The following SNX13 variants were observed in gnomAD, a reference collection of about 807,000 sequenced individuals.
SNX13 encodes the protein sorting nexin 13.
SNX13 carries 45 observed loss-of-function variants against 133.6 expected under a neutral mutation model. The observed-to-expected ratio is 0.34, with a 90% confidence interval of 0.27 to 0.43. The LOEUF is 0.43. Among genes scored for constraint, SNX13 ranks in the 20% least tolerant of loss-of-function variants. The probability of loss-of-function intolerance (pLI) is 1.00; values close to 1 mark genes in which losing one functional copy is unlikely to be tolerated. For synonymous variants in SNX13, 414 were observed against 373.9 expected, an observed-to-expected ratio of 1.11 and a Z score of -1.24; for missense variants, 1,032 against 1,145.1, an observed-to-expected ratio of 0.90 and a Z score of 1.43.
intron 1 of SNX13, among the ~76,000 whole-genome samples, chr7:17,914,729 T>A (rs564760454): frequency 8.3e-4 from 127 of 152,280 alleles, no homozygotes; most frequent in Admixed American, 2.9e-3. Flanking sequence ...AAGGGGGTTC[T>A]AAACATGAAA....
At chr7:17,868,529 T>A (rs750092474) in intron 8 of SNX13, 39 bp from the exon 9 acceptor site, 16 of 1,461,310 alleles carry the variant, frequency 1.1e-5, no homozygotes, top group Non-Finnish European at 1.5e-5. Flanking sequence ...ATTTAATCTA[T>A]TTCTGAAATC....
At position 17,905,544 on chromosome 7, in the gene SNX13, T is replaced by G. The variant is rs551790647; in HGVS notation, c.13-8098A>C. ...AGTTTTGCAGGTGAACAATAAAAAT[T>G]AATCTCCTTTATTTACAATTACCCA... On this transcript the variant is annotated intron_variant, in intron 1 of 25. Coordinates refer to ENST00000428135, the MANE Select transcript of SNX13 (RefSeq NM_015132.5). 3.9e-5 allele frequency among the ~76,000 whole-genome samples: 6 copies of G among 152,334 alleles called. No homozygotes were observed. In the East Asian group the frequency reaches 1.2e-3, roughly 29 times the overall value.
chr7:17,830,915 T>C (rs1170948758), intron 15 of SNX13: 3 of 984,292 alleles, frequency 3.0e-6, no homozygotes, highest in East Asian at 1.1e-4. Context: ...GCAGCTGATA[T>C]TGCCTTCCAA....
chr7:17,928,015 T>C (rs1043119632), intron 1 of SNX13, among the ~76,000 whole-genome samples: 1 of 152,170 alleles, frequency 6.6e-6, no homozygotes, highest in Non-Finnish European at 1.5e-5. Context: ...TACAATACAA[T>C]AAAAGTCCTA....
At chr7:17,927,470 T>C (rs531228364) in intron 1 of SNX13, among the ~76,000 whole-genome samples, 3 of 152,188 alleles carry the variant, frequency 2.0e-5, no homozygotes, top group East Asian at 1.9e-4. Flanking sequence ...CTAGAACTCA[T>C]GGGCTCAAGC....
chr7:17,908,935 A>T (rs1798659619), intron 1 of SNX13, among the ~76,000 whole-genome samples: 1 of 152,192 alleles, frequency 6.6e-6, no homozygotes, highest in Admixed American at 6.5e-5. Context: ...GTCTCCAAGA[A>T]TTATAAGGAT....
At chr7:17,863,444 T>C (rs990046252) in intron 9 of SNX13, among the ~76,000 whole-genome samples, 2 of 152,130 alleles carry the variant, frequency 1.3e-5, no homozygotes, top group African/African-American at 4.8e-5. Context: ...AAGGGAGGAA[T>C]ACAGAGGGCT....
At chr7:17,916,096 AT>A (rs1252959452) in intron 1 of SNX13, among the ~76,000 whole-genome samples, 13 of 152,206 alleles carry the variant, frequency 8.5e-5, no homozygotes, top group South Asian at 2.1e-4. Flanking sequence ...AAACAAAATC[AT>A]TTGTTAAAAA....
At chr7:17,931,228 T>A (rs574004679) in intron 1 of SNX13, among the ~76,000 whole-genome samples, 1 of 152,346 alleles carries the variant, frequency 6.6e-6, no homozygotes, top group East Asian at 1.9e-4. Context: ...GTTTCTCAGC[T>A]GAGAAAAATT....
In SNX13 at chr7:17,796,899, G is replaced by C. The variant is rs781339732; in HGVS notation, c.2554C>G (p.Pro852Ala). The C allele has an allele frequency of 1.2e-6, 2 of 1,611,042 alleles. No homozygotes were observed. Among genetic ancestry groups the C allele is most frequent in the Non-Finnish European group, 1.7e-6 (2 of 1,178,084 alleles). ...WPNGILAEAVPCRDKSIRMRT... is the reference protein window; with the variant it reads ...WPNGILAEAVACRDKSIRMRT... ...ATTCGAATACTTTTATCTCTGCATG[G>C]AACAGCCTCTGCTAAAATGCCATTT... is the stretch of plus-strand genomic sequence containing the variant. Residue 852 changes from proline to alanine, a missense_variant, in exon 25 of 26, where the codon CCA becomes GCA. Pro to Ala is a conservative substitution (Grantham distance 27). Coordinates refer to ENST00000428135, the MANE Select transcript of SNX13 (RefSeq NM_015132.5).
At chr7:17,934,641 T>G (rs952141122) in intron 1 of SNX13, among the ~76,000 whole-genome samples, 2 of 152,146 alleles carry the variant, frequency 1.3e-5, no homozygotes, top group Non-Finnish European at 2.9e-5. Context: ...AAACCATACA[T>G]GTGATAAGTG....
intron 1 of SNX13, among the ~76,000 whole-genome samples, chr7:17,922,074 G>A (rs1318478348): frequency 6.6e-6 from 1 of 152,096 alleles, no homozygotes. Flanking sequence ...GGACTCCATG[G>A]TTCACCATTC....
intron 9 of SNX13, among the ~76,000 whole-genome samples, chr7:17,867,337 T>C (rs566686107): frequency 1.4e-4 from 21 of 152,272 alleles, no homozygotes; most frequent in African/African-American, 4.8e-4. Context: ...CCAGGCACAA[T>C]GGCTCACACC....
chr7:17,897,391 G>C lies in SNX13; in HGVS notation c.68C>G (p.Thr23Ser), dbSNP rs1797323470. 2 of 1,604,816 alleles carry C rather than the reference G, an allele frequency of 1.2e-6. No homozygotes were observed. The highest frequency in any genetic ancestry group is 4.5e-5 in the East Asian group (2 of 44,454). Residue 23 changes from threonine to serine, a missense_variant, in exon 2 of 26, where the codon ACC becomes AGC. Physicochemically the swap from Thr to Ser is moderately conservative, Grantham distance 58. Transcript: ENST00000428135. Reference sequence around the variant, plus strand: ...ATAAAATATTACAAAGGGTCCAAAGGTTATCAGAAAAAGGACAATGCCAAG... The same window carrying C: ...ATAAAATATTACAAAGGGTCCAAAGCTTATCAGAAAAAGGACAATGCCAAG... ...GSLGIVLFLI[T>S]FGPFVIFYLT...
At chr7:17,840,657 T>G (rs1407846008) in intron 12 of SNX13, among the ~76,000 whole-genome samples, 1 of 151,992 alleles carries the variant, frequency 6.6e-6, no homozygotes, top group East Asian at 1.9e-4. Context: ...ACTATTTCCT[T>G]CAAAACAAAA....
intron 9 of SNX13, among the ~76,000 whole-genome samples, chr7:17,862,949 A>T (rs972795435): frequency 6.6e-6 from 1 of 152,126 alleles, no homozygotes; most frequent in African/African-American, 2.4e-5. Context: ...AAGGGTAGGA[A>T]AGACAGTCTC....
chr7:17,933,798 C>G (rs1164017681), intron 1 of SNX13, among the ~76,000 whole-genome samples: 1 of 75,970 alleles, frequency 1.3e-5, no homozygotes, highest in Non-Finnish European at 3.4e-5. Flanking sequence ...AAGGAATATA[C>G]AGAAAAAAAA....
chr7:17,896,054 G>A (rs1245987326), intron 2 of SNX13, among the ~76,000 whole-genome samples: 1 of 152,166 alleles, frequency 6.6e-6, no homozygotes, highest in African/African-American at 2.4e-5. Context: ...CTCTGAGAGG[G>A]AGAGGTGCAA....
chr7:17,826,159 A>G, intron 16 of SNX13, 68 bp from the exon 17 acceptor site: 3 of 991,000 alleles, frequency 3.0e-6, no homozygotes, highest in Non-Finnish European at 4.5e-6. Context: ...AAAGAATTCT[A>G]CATCATATAT....
Sources: gnomAD v4.1 joint callset for allele counts (sites outside exome capture counted in the v4.1 genomes callset) on GRCh38, gnomAD v4.1.1 for gene constraint, MANE v1.5 for transcripts, NCBI Gene and HGNC (gene_info 2026-07-23, HGNC 2026-07-21) for gene names.